ADCY10: variants seen among roughly 807,000 people sequenced by gnomAD.
ADCY10 encodes adenylate cyclase type 10.
A neutral mutation model predicts 183.3 loss-of-function variants in ADCY10; 156 were observed. That is an observed-to-expected ratio of 0.85 (90% CI 0.75 to 0.97). The LOEUF is 0.97. Ranked by LOEUF, ADCY10 falls within the 50% of genes least tolerant of loss-of-function variation. The probability of loss-of-function intolerance (pLI) is 0.00; values close to 1 mark genes in which losing one functional copy is unlikely to be tolerated. For missense variants in ADCY10, 1,745 were observed against 1,934.3 expected (o/e 0.90, Z 1.84); for synonymous variants, 645 against 670.0 (o/e 0.96, Z 0.58).
Position 167,842,591 on chromosome 1 carries a change from CAA to C in ADCY10, c.3007+2970_3007+2971del, listed in dbSNP as rs11306764. ...GCAGGATATTTTAAGGAAGACACTG[CAA>C]AAAAAAAAACGTTTCCTAGTAACCC... On this transcript the variant is annotated intron_variant, in intron 21 of 32. Coordinates refer to ENST00000367851, the MANE Select transcript of ADCY10 (RefSeq NM_018417.6). Among the ~76,000 whole-genome samples, 7 of 146,376 alleles carry C rather than the reference CAA, an allele frequency of 4.8e-5. No homozygotes were observed. The South Asian group carries it at 6.6e-4, about 14-fold the overall frequency.
intron 14 of ADCY10, among the ~76,000 whole-genome samples, chr1:167,863,884 A>G (rs751208396): frequency 6.6e-6 from 1 of 152,212 alleles, no homozygotes; most frequent in Non-Finnish European, 1.5e-5. Context: ...GAGTGGAAGC[A>G]TGGCCTGATC....
chr1:167,898,998 G>A lies in ADCY10; in HGVS notation c.642+425C>T, dbSNP rs531882844. On this transcript the variant is annotated intron_variant, in intron 6 of 32. Coordinates refer to ENST00000367851, the MANE Select transcript of ADCY10 (RefSeq NM_018417.6). ...CTCTCTTCTATCACTGAACTTCGCC[G>A]CACTTGCTCAACTCCAACCTTTACC... is the stretch of plus-strand genomic sequence containing the variant. Among the ~76,000 whole-genome samples, 10 of 152,198 alleles carry A rather than the reference G, an allele frequency of 6.6e-5. No individual in the cohort carries two copies. In the South Asian group the frequency reaches 1.9e-3, roughly 28 times the overall value.
At chr1:167,818,657 C>G (rs1662679251) in intron 30 of ADCY10, among the ~76,000 whole-genome samples, 1 of 152,180 alleles carries the variant, frequency 6.6e-6, no homozygotes, top group South Asian at 2.1e-4. Flanking sequence ...CCTGCCTCAG[C>G]CTCCCGAGTA....
In ADCY10 at chr1:167,859,812, T is replaced by G. The variant is rs1666163210; in HGVS notation, c.1891A>C (p.Lys631Gln). 1.4e-5 allele frequency: 23 copies of G among 1,612,786 alleles called. No homozygotes were observed. The highest frequency in any genetic ancestry group is 2.0e-5 in the Non-Finnish European group (23 of 1,178,774). ...QLEILFMKILKLIVKEERIIF... is the reference protein window; with the variant it reads ...QLEILFMKILQLIVKEERIIF... ...TGACCCACAGATGCTCTTACCAGCT[T>G]CAAGATCTTCATAAACAATATTTCC... Residue 631 changes from lysine to glutamine, a missense_variant, in exon 16 of 33, where the codon AAG becomes CAG. By Grantham distance (53) the Lys-to-Gln change is moderately conservative (BLOSUM62 1). Coordinates refer to ENST00000367851, the MANE Select transcript of ADCY10 (RefSeq NM_018417.6).
intron 18 of ADCY10, among the ~76,000 whole-genome samples, chr1:167,850,603 G>A (rs921385993): frequency 2.0e-5 from 3 of 151,800 alleles, no homozygotes; most frequent in South Asian, 4.2e-4. Context: ...TCAGAGAGGG[G>A]AACAGGAGGA....
chr1:167,851,622 A>G (rs1665493260), intron 18 of ADCY10, among the ~76,000 whole-genome samples: 1 of 152,038 alleles, frequency 6.6e-6, no homozygotes, highest in East Asian at 1.9e-4. Context: ...GGAGTTCAAG[A>G]CCAGCCTGGC....
chr1:167,845,900 T>A, intron 20 of ADCY10, 47 bp from the exon 21 acceptor site: 1 of 1,614,080 alleles, frequency 6.2e-7, no homozygotes, highest in Non-Finnish European at 8.5e-7. Context: ...GGGCAACAGA[T>A]CAGCCCCTTC....
At chr1:167,866,316 C>T (rs1047745905) in intron 14 of ADCY10, among the ~76,000 whole-genome samples, 3 of 151,896 alleles carry the variant, frequency 2.0e-5, no homozygotes, top group Non-Finnish European at 1.5e-5. Context: ...AATTGGAGTC[C>T]CACGAGGAAT....
chr1:167,833,702 G>A (rs1381595163), intron 24 of ADCY10, among the ~76,000 whole-genome samples: 2 of 146,784 alleles, frequency 1.4e-5, no homozygotes, highest in African/African-American at 2.5e-5. Flanking sequence ...CCGATATCAC[G>A]CCACTGTATT....
rs58787930 is a variant in ADCY10 at position 167,870,638 on chromosome 1, C to CA, written c.1463-229dup. On this transcript the variant is annotated intron_variant, in intron 13 of 32. Coordinates refer to ENST00000367851, the MANE Select transcript of ADCY10 (RefSeq NM_018417.6). ...TGAAACCCTGCCTCTACTGAAAATA[C>CA]AAAAAAAAAAAAAAAAAAAAATTAG... 0.5 allele frequency among the ~76,000 whole-genome samples: 46,672 copies of CA among 93,756 alleles called. 9,897 individuals are homozygous for CA. The highest frequency in any genetic ancestry group is 0.56 in the Middle Eastern group (111 of 200). The allele number at this position is 93,756 out of a possible 152,430, so 61.5% of individuals were successfully genotyped here.
intron 25 of ADCY10, among the ~76,000 whole-genome samples, chr1:167,829,660 G>C (rs1292869779): frequency 1.3e-5 from 2 of 152,198 alleles, no homozygotes; most frequent in African/African-American, 4.8e-5. Flanking sequence ...TTTATGTAAA[G>C]CATCTGTCCT....
chr1:167,886,376 C>A (rs960903556), intron 8 of ADCY10, among the ~76,000 whole-genome samples: 8 of 152,026 alleles, frequency 5.3e-5, no homozygotes, highest in African/African-American at 1.7e-4. Context: ...TGGAACAGAT[C>A]CCTCAGAAAT....
intron 14 of ADCY10, among the ~76,000 whole-genome samples, chr1:167,861,842 G>A (rs577070717): frequency 3.9e-5 from 6 of 152,162 alleles, no homozygotes; most frequent in South Asian, 2.1e-4. Context: ...TCATGAGGGC[G>A]GTTCCCCCCA....
intron 1 of ADCY10, among the ~76,000 whole-genome samples, chr1:167,912,153 T>A (rs1670184298): frequency 6.6e-6 from 1 of 152,268 alleles, no homozygotes; most frequent in Admixed American, 6.5e-5. Flanking sequence ...TAATTTATTA[T>A]GACCTTTTTA....
At position 167,870,375 on chromosome 1, in the gene ADCY10, T is replaced by G. The variant is rs777432245; in HGVS notation, c.1498A>C (p.Met500Leu). ...NKEINYFMYTMKKFLISNSSQ... is the reference protein window; with the variant it reads ...NKEINYFMYTLKKFLISNSSQ... ...CTGTTAGATATCAAAAATTTCTTCA[T>G]AGTATACATGAAGTAGTTGATCTCT... The change falls in exon 14 of 33, where the codon ATG (methionine) becomes CTG (leucine). Residue 500 changes from methionine to leucine, a missense_variant. By Grantham distance (15) the Met-to-Leu change is conservative. Transcript: ENST00000367851. The G allele has an allele frequency of 6.2e-7, 1 of 1,612,578 alleles. No homozygotes were observed. Among genetic ancestry groups the G allele is most frequent in the Non-Finnish European group, 8.5e-7 (1 of 1,178,668 alleles).
chr1:167,904,631 A>G, intron 2 of ADCY10: 1 of 536,294 alleles, frequency 1.9e-6, no homozygotes, highest in East Asian at 2.9e-5. Context: ...CAAGTTTATT[A>G]GTAAGATGTA....
chr1:167,810,459 CT>C (rs1344129211), intron 32 of ADCY10, among the ~76,000 whole-genome samples: 1 of 152,130 alleles, frequency 6.6e-6, no homozygotes, highest in Non-Finnish European at 1.5e-5. Flanking sequence ...AGCAAATTTT[CT>C]TTTTCCATCC....
At chr1:167,831,242 T>C (rs1663708146) in intron 25 of ADCY10, among the ~76,000 whole-genome samples, 2 of 152,000 alleles carry the variant, frequency 1.3e-5, no homozygotes, top group Non-Finnish European at 2.9e-5. Flanking sequence ...CAGGCTAGAG[T>C]GCAGTGGCGC....
chr1:167,811,955 G>C (rs1013581756), intron 31 of ADCY10, among the ~76,000 whole-genome samples: 1 of 152,198 alleles, frequency 6.6e-6, no homozygotes, highest in Admixed American at 6.5e-5. Context: ...CTGAAGGCTT[G>C]TAAATACCAG....
Sources: allele counts gnomAD v4.1 joint callset (sites outside exome capture counted in the v4.1 genomes callset), GRCh38; gene constraint gnomAD v4.1.1; transcripts MANE v1.5; gene names NCBI Gene and HGNC (gene_info 2026-07-23, HGNC 2026-07-21).